NOA1: variants seen among roughly 807,000 people sequenced by gnomAD.
NOA1 encodes the protein nitric oxide associated 1.
A neutral mutation model predicts 58.4 loss-of-function variants in NOA1; 35 were observed. That is an observed-to-expected ratio of 0.60 (90% CI 0.46 to 0.79). The LOEUF (loss-of-function observed/expected upper bound fraction) is 0.79. Among genes scored for constraint, NOA1 ranks in the 30% least tolerant of loss-of-function variants. NOA1 has a pLI of 0.00. For missense variants in NOA1, 895 were observed against 894.6 expected (o/e 1.00, Z -0.01); for synonymous variants, 397 against 373.4 (o/e 1.06, Z -0.73).
intron 4 of NOA1, among the ~76,000 whole-genome samples, chr4:56,967,011 G>A (rs1046563838): frequency 7.2e-5 from 11 of 152,022 alleles, no homozygotes; most frequent in Non-Finnish European, 1.2e-4. Context: ...AAATTAAAAG[G>A]AAATACTATC....
At chr4:56,966,291 C>T (rs1174254196) in intron 5 of NOA1, among the ~76,000 whole-genome samples, 1 of 152,154 alleles carries the variant, frequency 6.6e-6, no homozygotes, top group Non-Finnish European at 1.5e-5. Context: ...TCCCAAAGTG[C>T]TGGGATTATA....
intron 1 of NOA1, 31 bp from the exon 2 acceptor site, chr4:56,974,053 A>C: frequency 1.3e-6 from 2 of 1,525,722 alleles, no homozygotes; most frequent in Non-Finnish European, 1.8e-6. Context: ...ACATCTTTAC[A>C]AAAGGGAATA....
At chr4:56,966,018 C>CTTTTTTTTTTTT (rs57382498) in intron 5 of NOA1, among the ~76,000 whole-genome samples, 3 of 88,562 alleles carry the variant, frequency 3.4e-5, no homozygotes, top group Non-Finnish European at 6.3e-5. Flanking sequence ...AGCAAATTTT[C>CTTTTTTTTTTTT]TTTTTTTTTT....
At position 56,977,133 on chromosome 4, in the gene NOA1, C is replaced by T. The variant is rs201891782; in HGVS notation, c.453G>A (p.Gln151=). The part of the protein sequence containing the change: ...CSGCGAELHC[Q]DAGVPGYLPR... ...GCAGGTAGCCGGGCACTCCGGCGTC[C>T]TGGCAGTGCAGCTCTGCCCCACAGC... is the stretch of plus-strand genomic sequence containing the variant. Residue 151 remains glutamine, a synonymous_variant, in exon 1 of 7, where the codon CAG becomes CAA. Transcript: ENST00000264230. 2 of 1,554,092 alleles carry T rather than the reference C, an allele frequency of 1.3e-6. No individual in the cohort carries two copies. The highest frequency in any genetic ancestry group is 2.3e-5 in the South Asian group (2 of 87,216).
At position 56,964,387 on chromosome 4, in the gene NOA1, G is replaced by A; in HGVS notation, c.1885+19C>T. 1 of 1,613,684 alleles carries A rather than the reference G, an allele frequency of 6.2e-7. No individual in the cohort carries two copies. Among genetic ancestry groups the A allele is most frequent in the Non-Finnish European group, 8.5e-7 (1 of 1,179,822 alleles). On this transcript the variant is annotated intron_variant, in intron 6 of 6. Coordinates refer to ENST00000264230, the MANE Select transcript of NOA1 (RefSeq NM_032313.4). ...TGCCCTTTTATTCACTTTTTAAAAA[G>A]TGCTTGGCATAAAATTACCTGCAGA...
intron 4 of NOA1, 21 bp downstream of exon 4, chr4:56,968,363 A>G (rs1721754357): frequency 1.3e-6 from 2 of 1,597,752 alleles, no homozygotes; most frequent in South Asian, 2.3e-5. Context: ...ATCATTTTTT[A>G]ATAGTACAGA....
At chr4:56,966,588 C>T in intron 5 of NOA1, 32 bp downstream of exon 5, 2 of 1,308,236 alleles carry the variant, frequency 1.5e-6, no homozygotes, top group Admixed American at 1.7e-5. Flanking sequence ...GTATACTAAC[C>T]ATAACCATGC....
At chr4:56,966,121 G>A (rs1395643020) in intron 5 of NOA1, among the ~76,000 whole-genome samples, 1 of 144,208 alleles carries the variant, frequency 6.9e-6, no homozygotes, top group East Asian at 2.0e-4. Flanking sequence ...CTGCCGCTCT[G>A]GTTCAAGTGA....
intron 1 of NOA1, 69 bp downstream of exon 1, chr4:56,976,360 GGGAGGATGTACTC>G (rs1200398875): frequency 8.0e-6 from 10 of 1,244,410 alleles, no homozygotes; most frequent in Non-Finnish European, 1.1e-5. Flanking sequence ...TGGACATTAA[GGGAGGATGTACTC>G]GGTGCCTCGG....
chr4:56,973,743 G>T, intron 2 of NOA1, 115 bp downstream of exon 2: 2 of 985,446 alleles, frequency 2.0e-6, no homozygotes, highest in Non-Finnish European at 3.1e-6. Context: ...TGCAGAATAA[G>T]GAAGGCAGTC....
intron 5 of NOA1, 83 bp downstream of exon 5, chr4:56,966,537 C>A (rs762835606): frequency 2.9e-5 from 24 of 815,400 alleles, no homozygotes; most frequent in Non-Finnish European, 4.5e-5. Context: ...CAGTTCTGTA[C>A]AACAAAGGCT....
intron 3 of NOA1, among the ~76,000 whole-genome samples, chr4:56,970,628 T>G (rs1721794817): frequency 6.6e-6 from 1 of 151,872 alleles, no homozygotes; most frequent in African/African-American, 2.4e-5. Context: ...GCCCAGCTAA[T>G]TTTTTGTATT....
chr4:56,977,580 C>A lies in NOA1; in HGVS notation c.6G>T (p.Leu2=), dbSNP rs763872294. 2.8e-5 allele frequency: 45 copies of A among 1,581,266 alleles called. No homozygotes were observed. The highest frequency in any genetic ancestry group is 3.0e-5 in the Non-Finnish European group (35 of 1,162,572). M[L]PARLPFRLLS... ...GCAGCCTGAACGGTAGGCGAGCGGG[C>A]AGCATGAGGAAGTAGCTCCAAAGGG... The change falls in exon 1 of 7, where the codon CTG becomes CTT. Residue 2 remains leucine (L), a synonymous_variant. Coordinates refer to ENST00000264230, the MANE Select transcript of NOA1 (RefSeq NM_032313.4).
intron 3 of NOA1, among the ~76,000 whole-genome samples, chr4:56,971,638 A>G (rs1318623862): frequency 6.6e-6 from 1 of 152,224 alleles, no homozygotes; most frequent in Non-Finnish European, 1.5e-5. Flanking sequence ...CAGTAACCAG[A>G]TTCGAAGGAA....
chr4:56,973,386 T>C (rs1337234194), intron 2 of NOA1, 33 bp from the exon 3 acceptor site: 1 of 1,532,626 alleles, frequency 6.5e-7, no homozygotes, highest in Admixed American at 1.7e-5. Flanking sequence ...TATTAGTCAC[T>C]CCTTTAATAC....
At chr4:56,964,841 A>G (rs1721668840) in intron 5 of NOA1, among the ~76,000 whole-genome samples, 1 of 152,144 alleles carries the variant, frequency 6.6e-6, no homozygotes. Context: ...CACATAGATT[A>G]ATGTTGGGCA....
In NOA1 at chr4:56,977,442, C is replaced by G; in HGVS notation, c.144G>C (p.Leu48=). 6.2e-7 allele frequency: 1 copy of G among 1,614,180 alleles called. No homozygotes were observed. The highest frequency in any genetic ancestry group is 1.7e-5 in the Admixed American group (1 of 60,030). The part of the protein sequence containing the change: ...AASSFQHSSS[L]GRELPYDPVD... ...CGGGGTCATAAGGAAGCTCGCGTCC[C>G]AGACTCGATGAGTGCTGGAAGGAGG... is the stretch of plus-strand genomic sequence containing the variant. Residue 48 remains leucine, a synonymous_variant, in exon 1 of 7, where the codon CTG becomes CTC. Transcript: ENST00000264230.
Position 56,977,179 on chromosome 4 carries a change from G to A in NOA1, c.407C>T (p.Pro136Leu). 1 of 1,562,912 alleles carries A rather than the reference G, an allele frequency of 6.4e-7. No homozygotes were observed. The highest frequency in any genetic ancestry group is 8.6e-7 in the Non-Finnish European group (1 of 1,158,012). ...VVGHPDPALPPSGVNCSGCGA... is the reference protein window; with the variant it reads ...VVGHPDPALPLSGVNCSGCGA... The stretch of plus-strand genomic sequence containing the variant: ...ACAGCCCGAGCAGTTCACGCCGCTG[G>A]GCGGCAATGCCGGGTCCGGGTGCCC... Residue 136 changes from proline to leucine, a missense_variant, in exon 1 of 7, where the codon CCC becomes CTC. Transcript: ENST00000264230.
chr4:56,968,549 CTTT>C, intron 3 of NOA1, 34 bp from the exon 4 acceptor site: 1 of 1,465,746 alleles, frequency 6.8e-7, no homozygotes, highest in Admixed American at 2.1e-5. Context: ...TAAGAAAATA[CTTT>C]TATTGAAAAT....
Sources: allele counts gnomAD v4.1 joint callset (sites outside exome capture counted in the v4.1 genomes callset), GRCh38; gene constraint gnomAD v4.1.1; transcripts MANE v1.5; gene names NCBI Gene and HGNC (gene_info 2026-07-23, HGNC 2026-07-21).